Variants in LOC128462377 observed in about 807,000 individuals in gnomAD.
chr16:89,381,290 C>G, the LOC128462377 span, among the ~76,000 whole-genome samples: 25 of 146,002 alleles, frequency 1.7e-4, no homozygotes, highest in Non-Finnish European at 2.4e-4. Context: ...CGACAATGCG[C>G]CACTGCACTC....
the LOC128462377 span, among the ~76,000 whole-genome samples, chr16:89,348,009 C>A: frequency 6.6e-6 from 1 of 152,038 alleles, no homozygotes; most frequent in African/African-American, 2.4e-5. Context: ...TCTCGGCTCA[C>A]TGCAGCCTCT....
the LOC128462377 span, among the ~76,000 whole-genome samples, chr16:89,317,655 C>T: frequency 1.3e-5 from 2 of 152,200 alleles, no homozygotes; most frequent in African/African-American, 4.8e-5. Flanking sequence ...GCTCCGAGGT[C>T]CCAACTCCAC....
At chr16:89,346,322 T>C in the LOC128462377 span, among the ~76,000 whole-genome samples, 8 of 149,468 alleles carry the variant, frequency 5.4e-5, no homozygotes, top group African/African-American at 1.7e-4. Context: ...GATATTAAAG[T>C]GCCTTTCAGT....
chr16:89,321,943 C>G, the LOC128462377 span, among the ~76,000 whole-genome samples: 1 of 152,184 alleles, frequency 6.6e-6, no homozygotes, highest in Non-Finnish European at 1.5e-5. Context: ...GCTGCTGCTG[C>G]GCGAGGCTTA....
At chr16:89,363,766 G>A in the LOC128462377 span, among the ~76,000 whole-genome samples, 1 of 152,206 alleles carries the variant, frequency 6.6e-6, no homozygotes, top group Non-Finnish European at 1.5e-5. Context: ...GTCAGGAAGT[G>A]GAGTGCTAGC....
chr16:89,378,951 G>A, the LOC128462377 span, among the ~76,000 whole-genome samples: 4 of 152,234 alleles, frequency 2.6e-5, no homozygotes, highest in Non-Finnish European at 5.9e-5. Context: ...TTCCAAGGCT[G>A]AAGACCTTTT....
chr16:89,356,545 G>A, the LOC128462377 span, among the ~76,000 whole-genome samples: 1 of 151,658 alleles, frequency 6.6e-6, no homozygotes, highest in East Asian at 1.9e-4. Context: ...GCCGAGGCGG[G>A]CGGATCACGA....
the LOC128462377 span, among the ~76,000 whole-genome samples, chr16:89,367,293 A>G: frequency 6.6e-6 from 1 of 152,226 alleles, no homozygotes; most frequent in East Asian, 1.9e-4. Flanking sequence ...CGCAGGGGCC[A>G]GTGCTGGCCC....
At chr16:89,377,156 C>T in the LOC128462377 span, among the ~76,000 whole-genome samples, 3 of 152,172 alleles carry the variant, frequency 2.0e-5, 1 homozygote, top group Admixed American at 1.3e-4. Flanking sequence ...GAGGCGTCAA[C>T]GTGGTCTTCC....
the LOC128462377 span, among the ~76,000 whole-genome samples, chr16:89,326,633 T>C: frequency 6.6e-6 from 1 of 152,014 alleles, no homozygotes; most frequent in Non-Finnish European, 1.5e-5. Flanking sequence ...TCCCAGCTCC[T>C]TGGGAGCCTG....
the LOC128462377 span, among the ~76,000 whole-genome samples, chr16:89,358,065 G>A: frequency 6.6e-6 from 1 of 152,230 alleles, no homozygotes; most frequent in Non-Finnish European, 1.5e-5. Flanking sequence ...TGGAGGAAGT[G>A]AGTGAGGCAC....
the LOC128462377 span, among the ~76,000 whole-genome samples, chr16:89,364,412 T>C: frequency 2.4e-4 from 36 of 152,376 alleles, no homozygotes; most frequent in East Asian, 6.7e-3. Flanking sequence ...AAACACATCC[T>C]ACTCACGGTA....
chr16:89,356,817 G>GT, the LOC128462377 span, among the ~76,000 whole-genome samples: 2 of 151,164 alleles, frequency 1.3e-5, no homozygotes, highest in East Asian at 3.9e-4. Flanking sequence ...AAAAAAGAAC[G>GT]TAATGGTACA....
chr16:89,341,942 T>TGC, the LOC128462377 span, among the ~76,000 whole-genome samples: 6 of 138,842 alleles, frequency 4.3e-5, no homozygotes, highest in African/African-American at 1.7e-4. Context: ...CTGCACCTCC[T>TGC]CCACGAACAG....
the LOC128462377 span, among the ~76,000 whole-genome samples, chr16:89,317,272 T>C: frequency 6.6e-6 from 1 of 152,148 alleles, no homozygotes; most frequent in East Asian, 1.9e-4. Context: ...GCAACAGGAA[T>C]GGCAGCTTTG....
the LOC128462377 span, among the ~76,000 whole-genome samples, chr16:89,379,075 T>C: frequency 6.6e-6 from 1 of 152,222 alleles, no homozygotes; most frequent in South Asian, 2.1e-4. Context: ...GGGTCGTCCA[T>C]GCCCAGAACG....
the LOC128462377 span, among the ~76,000 whole-genome samples, chr16:89,370,361 G>A: frequency 3.5e-4 from 53 of 152,228 alleles, no homozygotes; most frequent in Middle Eastern, 6.8e-3. Context: ...GGAGACAGGC[G>A]TGCCCGGTAC....
chr16:89,319,181 C>T, the LOC128462377 span, among the ~76,000 whole-genome samples: 4 of 152,252 alleles, frequency 2.6e-5, no homozygotes, highest in Non-Finnish European at 5.9e-5. Context: ...CTGTGGCCCA[C>T]GGACACACTC....
the LOC128462377 span, among the ~76,000 whole-genome samples, chr16:89,332,674 G>A: frequency 6.6e-6 from 1 of 152,196 alleles, no homozygotes; most frequent in Non-Finnish European, 1.5e-5. Context: ...CAACGAGAGA[G>A]GCGCTGAGAC....
Sources: gnomAD v4.1 joint callset for allele counts (sites outside exome capture counted in the v4.1 genomes callset) on GRCh38, gnomAD v4.1.1 for gene constraint, MANE v1.5 for transcripts.